Variants in STX8 observed in about 807,000 individuals in gnomAD.
STX8 encodes syntaxin 8.
STX8 carries 23 observed loss-of-function variants against 37.5 expected under a neutral mutation model. The observed-to-expected ratio is 0.61, with a 90% CI of 0.44 to 0.87. STX8 has a LOEUF of 0.87. STX8 is among the 40% of genes least tolerant of loss of function. The pLI is 0.00. For synonymous variants in STX8, 115 were observed against 99.1 expected, an observed-to-expected ratio of 1.16 and a Z score of -0.95; for missense variants, 313 against 284.7, an observed-to-expected ratio of 1.10 and a Z score of -0.71.
chr17:9,507,148 T>C lies in STX8; in HGVS notation c.324-1986A>G, dbSNP rs376997224. Among the ~76,000 whole-genome samples the C allele has an allele frequency of 5.3e-5, 8 of 152,128 alleles. No individual in the cohort carries two copies. The East Asian group carries it at 9.7e-4, about 18-fold the overall frequency. On this transcript the variant is annotated intron_variant, in intron 4 of 7. Transcript: ENST00000306357. The surrounding 1 kb of genome is among the most constrained non-coding windows in gnomAD (Gnocchi z 4.0). ...CAGGCTAGCAGAGTGACTACGCTCC[T>C]GCATCCCGGATCTATGAAACAGTCG... is the stretch of plus-strand genomic sequence containing the variant.
At position 9,309,494 on chromosome 17, in the gene STX8, A is replaced by G. The variant is rs570529148; in HGVS notation, c.644-58849T>C. ...TACGGAGATAAGTAGATTATTGGGG[A>G]AAAAGTCACACTCGGAGGCCTTATG... On this transcript the variant is annotated intron_variant, in intron 7 of 7. Transcript: ENST00000306357. Among the ~76,000 whole-genome samples, 4 of 152,246 alleles carry G rather than the reference A, an allele frequency of 2.6e-5. No homozygotes were observed. The East Asian group carries it at 5.8e-4, about 22-fold the overall frequency.
At chr17:9,293,382 C>A (rs1329334330) in intron 7 of STX8, among the ~76,000 whole-genome samples, 1 of 152,098 alleles carries the variant, frequency 6.6e-6, no homozygotes, top group Non-Finnish European at 1.5e-5. Flanking sequence ...GTGTCTGCAG[C>A]CACTGCCTTA....
chr17:9,440,776 C>T (rs946145779), intron 6 of STX8, among the ~76,000 whole-genome samples: 3 of 152,156 alleles, frequency 2.0e-5, no homozygotes, highest in African/African-American at 4.8e-5. Flanking sequence ...CCACCCGCCT[C>T]GGCCTCCCAA....
intron 7 of STX8, among the ~76,000 whole-genome samples, chr17:9,291,217 G>T (rs531959880): frequency 6.6e-6 from 1 of 152,192 alleles, no homozygotes; most frequent in Admixed American, 6.5e-5. Flanking sequence ...GGCCGAAGCC[G>T]AAAAGTCACC....
chr17:9,412,101 G>T (rs892546264), intron 6 of STX8, among the ~76,000 whole-genome samples: 1 of 152,070 alleles, frequency 6.6e-6, no homozygotes, highest in Admixed American at 6.5e-5. Flanking sequence ...TTGAGTTGAC[G>T]GAGGATTAAA....
intron 7 of STX8, among the ~76,000 whole-genome samples, chr17:9,292,883 C>T (rs1241257357): frequency 1.3e-5 from 2 of 152,140 alleles, no homozygotes; most frequent in African/African-American, 2.4e-5. Context: ...AGCTCTCATG[C>T]CCCCCATCTT....
chr17:9,346,925 C>T (rs1185484421), intron 7 of STX8, among the ~76,000 whole-genome samples: 3 of 152,056 alleles, frequency 2.0e-5, no homozygotes, highest in South Asian at 2.1e-4. Context: ...GTTGGGAGTT[C>T]GAGACCAACC....
intron 6 of STX8, among the ~76,000 whole-genome samples, chr17:9,489,411 T>C (rs1437914321): frequency 6.6e-6 from 1 of 152,158 alleles, no homozygotes; most frequent in Non-Finnish European, 1.5e-5. Context: ...AAAGACAAGA[T>C]AAAGACGTGC....
intron 7 of STX8, among the ~76,000 whole-genome samples, chr17:9,309,986 T>C (rs1476298976): frequency 1.7e-5 from 2 of 120,912 alleles, no homozygotes; most frequent in Non-Finnish European, 3.0e-5. Context: ...TATTTGTCAA[T>C]AGTCAAGTTG....
At chr17:9,379,780 C>T (rs548552239) in intron 6 of STX8, among the ~76,000 whole-genome samples, 6 of 152,120 alleles carry the variant, frequency 3.9e-5, no homozygotes, top group African/African-American at 1.4e-4. Flanking sequence ...ACCAGCCTGA[C>T]CAACATGGTG....
chr17:9,260,337 A>T (rs1054164328), intron 7 of STX8, among the ~76,000 whole-genome samples: 3 of 151,876 alleles, frequency 2.0e-5, no homozygotes, highest in African/African-American at 7.3e-5. Context: ...AAGAAAAGTC[A>T]AGAAGGCCGG....
chr17:9,510,241 C>T (rs1446252755), intron 4 of STX8, among the ~76,000 whole-genome samples: 1 of 152,106 alleles, frequency 6.6e-6, no homozygotes, highest in African/African-American at 2.4e-5. Context: ...AGAAAATCAA[C>T]AAAGAAACAT....
At chr17:9,410,712 T>C (rs1912949777) in intron 6 of STX8, among the ~76,000 whole-genome samples, 1 of 152,244 alleles carries the variant, frequency 6.6e-6, no homozygotes, top group Admixed American at 6.5e-5. Context: ...ATGTTTACGT[T>C]TCAACTTGAC....
intron 7 of STX8, among the ~76,000 whole-genome samples, chr17:9,287,383 A>T (rs1908116939): frequency 6.6e-6 from 1 of 152,186 alleles, no homozygotes; most frequent in Non-Finnish European, 1.5e-5. Context: ...CTCAGGAGAG[A>T]TGTTCACAGG....
At chr17:9,562,959 A>G (rs1054635700) in intron 2 of STX8, among the ~76,000 whole-genome samples, 3 of 152,180 alleles carry the variant, frequency 2.0e-5, no homozygotes, top group African/African-American at 7.2e-5. Context: ...TGTTATTCAC[A>G]ACTCAAGACT....
At chr17:9,439,884 C>T (rs565786692) in intron 6 of STX8, among the ~76,000 whole-genome samples, 2 of 152,140 alleles carry the variant, frequency 1.3e-5, no homozygotes, top group African/African-American at 4.8e-5. Flanking sequence ...GAACACATTC[C>T]CACACATTAC....
chr17:9,390,926 T>C (rs1374465110), intron 6 of STX8, among the ~76,000 whole-genome samples: 4 of 151,998 alleles, frequency 2.6e-5, no homozygotes, highest in African/African-American at 9.7e-5. Flanking sequence ...GTAATCTGAT[T>C]GCTGGAGCAC....
chr17:9,279,172 C>T (rs1285679061), intron 7 of STX8, among the ~76,000 whole-genome samples: 1 of 151,904 alleles, frequency 6.6e-6, no homozygotes, highest in Non-Finnish European at 1.5e-5. Flanking sequence ...ATTTTCCTGC[C>T]TCAGCCTCCC....
intron 6 of STX8, 91 bp downstream of exon 6, chr17:9,491,738 T>A (rs1906859457): frequency 1.8e-6 from 2 of 1,092,654 alleles, no homozygotes; most frequent in South Asian, 1.5e-5. Context: ...CCACTTTACA[T>A]GTTGTATAAT....
Sources: allele counts gnomAD v4.1 joint callset (sites outside exome capture counted in the v4.1 genomes callset), GRCh38; gene constraint gnomAD v4.1.1; non-coding constraint Gnocchi (gnomAD v3.1); transcripts MANE v1.5; gene names NCBI Gene and HGNC (gene_info 2026-07-23, HGNC 2026-07-21).